MYH2: variants seen among roughly 807,000 people sequenced by gnomAD.
The protein encoded by MYH2 is myosin heavy chain 2, also known as myosin-2.
MYH2 carries 139 observed loss-of-function variants against 228.1 expected under a neutral mutation model. The observed-to-expected ratio is 0.61, with a 90% CI of 0.53 to 0.70. MYH2 has a LOEUF of 0.70. MYH2 is among the 30% of genes least tolerant of loss of function. The pLI is 0.00. For synonymous variants in MYH2, 796 were observed against 871.1 expected (o/e 0.91, Z 1.52); for missense variants, 1,809 against 2,357.5 (o/e 0.77, Z 4.82).
At position 10,531,840 on chromosome 17, in the gene MYH2, G is replaced by A; in HGVS notation, c.2490C>T (p.Val830=). ...AGAGTTTCATCCAGGGCCAGTGCTT[G>A]ACATTCATGAAGGATCTGATATTGT... ...IQYNIRSFMN[V]KHWPWMKLFF... The change falls in exon 22 of 40, where the codon GTC becomes GTT. Residue 830 remains valine (V), a synonymous_variant. Coordinates refer to ENST00000245503, the MANE Select transcript of MYH2 (RefSeq NM_017534.6). 6.2e-7 allele frequency: 1 copy of A among 1,614,112 alleles called. No individual in the cohort carries two copies. Among genetic ancestry groups the A allele is most frequent in the South Asian group, 1.1e-5 (1 of 91,076 alleles).
chr17:10,528,077 C>G (rs2073376889), intron 27 of MYH2, among the ~76,000 whole-genome samples: 1 of 137,422 alleles, frequency 7.3e-6, no homozygotes, highest in South Asian at 2.4e-4. Flanking sequence ...CAGAGTCTTG[C>G]TCTGTCCCCA....
rs1266903700 is a variant in MYH2 at position 10,527,090 on chromosome 17, G to A, written c.3872-34C>T. 5 of 1,585,776 alleles carry A rather than the reference G, an allele frequency of 3.2e-6. No individual in the cohort carries two copies. In the Admixed American group the frequency reaches 5.0e-5, roughly 16 times the overall value. On this transcript the variant is annotated intron_variant, in intron 28 of 39. Transcript: ENST00000245503. ...CAAAAGAAATGGCACCATTTTTTAG[G>A]TGAAAAACAAGATTCTGCAAGCCCA...
chr17:10,526,133 G>A (rs936817370), intron 30 of MYH2, among the ~76,000 whole-genome samples: 1 of 152,236 alleles, frequency 6.6e-6, no homozygotes, highest in East Asian at 1.9e-4. Context: ...CAGAACATCC[G>A]TAATAATACC....
intron 30 of MYH2, 134 bp from the exon 31 acceptor site, chr17:10,526,010 T>C (rs1300280303): frequency 4.8e-6 from 5 of 1,035,992 alleles, no homozygotes; most frequent in Non-Finnish European, 7.0e-6. Flanking sequence ...CAACAAATAT[T>C]GATGAGCCCC....
At chr17:10,535,882 A>G (rs1439404259) in intron 17 of MYH2, among the ~76,000 whole-genome samples, 5 of 152,220 alleles carry the variant, frequency 3.3e-5, no homozygotes, top group African/African-American at 7.2e-5. Context: ...GAGCAAGGAT[A>G]CCATATTAGC....
intron 21 of MYH2, among the ~76,000 whole-genome samples, chr17:10,532,245 C>A (rs1407027646): frequency 2.0e-5 from 3 of 152,164 alleles, no homozygotes; most frequent in Admixed American, 1.3e-4. Context: ...GTCCAAGGAG[C>A]ACCCTTTGAG....
chr17:10,537,135 G>T lies in MYH2; in HGVS notation c.1897+98C>A, dbSNP rs146359038. The stretch of plus-strand genomic sequence containing the variant: ...CAATACTTGGAGGAACCAGGGGCTT[G>T]GTCTGCAACCCTTCTGCCAGACCTA... On this transcript the variant is annotated intron_variant, in intron 16 of 39. Transcript: ENST00000245503. The surrounding 1 kb of genome is among the most constrained non-coding windows in gnomAD (Gnocchi z 4.0). 1.1e-5 allele frequency: 16 copies of T among 1,503,940 alleles called. No homozygotes were observed. Among genetic ancestry groups the T allele is most frequent in the Non-Finnish European group, 4.6e-6 (5 of 1,087,240 alleles). The allele number at this position is 1,503,940 out of a possible 1,614,324, so 93.2% of individuals were successfully genotyped here.
At chr17:10,545,208 G>T in intron 5 of MYH2, 138 bp downstream of exon 5, 1 of 1,531,852 alleles carries the variant, frequency 6.5e-7, no homozygotes, top group South Asian at 1.1e-5. Flanking sequence ...CCCCTTCCTG[G>T]ACCTTCTCCT....
chr17:10,530,126 A>G, intron 22 of MYH2, 52 bp from the exon 23 acceptor site: 1 of 1,612,632 alleles, frequency 6.2e-7, no homozygotes, highest in Non-Finnish European at 8.5e-7. Context: ...AATACTTCAC[A>G]ATGGATAAGA....
intron 4 of MYH2, among the ~76,000 whole-genome samples, chr17:10,545,869 G>C (rs1285518369): frequency 6.6e-6 from 1 of 152,062 alleles, no homozygotes; most frequent in Non-Finnish European, 1.5e-5. Flanking sequence ...AAAACTAGTT[G>C]GCAAGTTCAA....
At chr17:10,549,028 G>A (rs930502285) in intron 2 of MYH2, among the ~76,000 whole-genome samples, 26 of 152,236 alleles carry the variant, frequency 1.7e-4, no homozygotes, top group African/African-American at 6.3e-4. Flanking sequence ...TTACATTGTT[G>A]GACATTATGT....
rs71365770 is a variant in MYH2, at chr17:10,528,047, C to CTTTT, written c.3745-177_3745-174dup. Among the ~76,000 whole-genome samples, 45,912 of 131,326 alleles carry CTTTT rather than the reference C, an allele frequency of 0.35. 9,184 individuals are homozygous for CTTTT. The highest frequency in any genetic ancestry group is 0.8 in the East Asian group (3,473 of 4,334). The allele number at this position is 131,326 out of a possible 152,430, so 86.2% of individuals were successfully genotyped here. On this transcript the variant is annotated intron_variant, in intron 27 of 39. Coordinates refer to ENST00000245503, the MANE Select transcript of MYH2 (RefSeq NM_017534.6). ...AATGCAGAAAAATTTTTCTTTCTTT[C>CTTTT]TTTTTTTTTTTTTTTGAGACAGAGT...
chr17:10,531,900 T>C lies in MYH2; in HGVS notation c.2442-12A>G, dbSNP rs1450299028. The C allele has an allele frequency of 1.2e-5, 19 of 1,613,796 alleles. No homozygotes were observed. The highest frequency in any genetic ancestry group is 6.7e-5 in the Admixed American group (4 of 60,010). On this transcript the variant is annotated splice_polypyrimidine_tract_variant and intron_variant, in intron 21 of 39. Transcript: ENST00000245503. ...AGAAGATGGCCTCCCTGAAATTTAA[T>C]TGATGCAAATTAGTATTGTGTGGTT...
Position 10,529,571 on chromosome 17 carries a change from A to C in MYH2, c.3110T>G (p.Val1037Gly). Residue 1037 changes from valine (V) to glycine (G), a missense_variant, in exon 24 of 40, where the codon GTG becomes GGG. Transcript: ENST00000245503. ...TGATGATACCAGACTTACATCATCC[A>C]CTTGTTGTTCAAGTTTGATTTTAGC... ...TKAKIKLEQQ[V>G]DDLEGSLEQE... 1 of 1,614,144 alleles carries C rather than the reference A, an allele frequency of 6.2e-7. No homozygotes were observed. The highest frequency in any genetic ancestry group is 8.5e-7 in the Non-Finnish European group (1 of 1,180,026).
chr17:10,536,625 A>G lies in MYH2; in HGVS notation c.1898-19T>C, dbSNP rs2073485096. 1.2e-6 allele frequency: 2 copies of G among 1,607,458 alleles called. No homozygotes were observed. The highest frequency in any genetic ancestry group is 1.1e-5 in the South Asian group (1 of 90,680). ...GCTCCCTCTGAAGAAAAAGGAAGAA[A>G]AGAAATACTGTTTTGAATTGGCAGG... On this transcript the variant is annotated intron_variant, in intron 16 of 39. Coordinates refer to ENST00000245503, the MANE Select transcript of MYH2 (RefSeq NM_017534.6).
rs2073347211 is a variant in MYH2, at chr17:10,525,941, A to T, written c.4188-65T>A. On this transcript the variant is annotated intron_variant, in intron 30 of 39. Transcript: ENST00000245503. The surrounding 1 kb of genome is among the most constrained non-coding windows in gnomAD (Gnocchi z 4.2). Reference sequence around the variant, plus strand: ...AATATGAATTATGAGCTATTGCCACACACGCTGAAGAGTGTTAGAAACTTC... The same window carrying T: ...AATATGAATTATGAGCTATTGCCACTCACGCTGAAGAGTGTTAGAAACTTC... 1 of 1,545,688 alleles carries T rather than the reference A, an allele frequency of 6.5e-7. No homozygotes were observed.
rs752508635 is a variant in MYH2, at chr17:10,527,893, A to G, written c.3745-19T>C. 6.2e-7 allele frequency: 1 copy of G among 1,611,260 alleles called. No homozygotes were observed. The highest frequency in any genetic ancestry group is 1.1e-5 in the South Asian group (1 of 91,054). Reference sequence around the variant, plus strand: ...GGTTTCCCTATAGAAGAAAAAGTAAAAGAAGAAAACAGAGACCTTTTAAGC... The same window carrying G: ...GGTTTCCCTATAGAAGAAAAAGTAAGAGAAGAAAACAGAGACCTTTTAAGC... On this transcript the variant is annotated intron_variant, in intron 27 of 39. Coordinates refer to ENST00000245503, the MANE Select transcript of MYH2 (RefSeq NM_017534.6).
chr17:10,539,808 G>C, intron 12 of MYH2, 120 bp downstream of exon 12: 18 of 1,427,272 alleles, frequency 1.3e-5, no homozygotes, highest in Non-Finnish European at 1.8e-5. Context: ...TAGGTATACA[G>C]ATACTTTAAA....
intron 35 of MYH2, 26 bp from the exon 36 acceptor site, chr17:10,523,910 A>G (rs117415453): frequency 6.2e-7 from 1 of 1,606,214 alleles, no homozygotes; most frequent in Admixed American, 1.7e-5. Flanking sequence ...TTGTACATTT[A>G]AAAAATTGTG....
Sources: gnomAD v4.1 joint callset for allele counts (sites outside exome capture counted in the v4.1 genomes callset) on GRCh38, gnomAD v4.1.1 for gene constraint, Gnocchi (gnomAD v3.1) non-coding constraint, MANE v1.5 for transcripts, NCBI Gene and HGNC (gene_info 2026-07-23, HGNC 2026-07-21) for gene names.